The following ZFPM2 variants were observed in gnomAD, a reference collection of about 807,000 sequenced individuals.
ZFPM2 encodes zinc finger protein ZFPM2.
A neutral mutation model predicts 98.6 loss-of-function variants in ZFPM2; 20 were observed. The observed-to-expected ratio is 0.20, with a 90% CI of 0.14 to 0.29. The LOEUF (loss-of-function observed/expected upper bound fraction) is 0.29, where lower values mean the gene tolerates loss of function less well. ZFPM2 is among the 10% of genes least tolerant of loss of function. The probability of loss-of-function intolerance (pLI) is 1.00; values close to 1 mark genes in which losing one functional copy is unlikely to be tolerated. For synonymous variants in ZFPM2, 518 were observed against 502.7 expected (o/e 1.03, Z -0.41); for missense variants, 1,310 against 1,388.6 (o/e 0.94, Z 0.90).
rs1372771431 is a variant in ZFPM2 at position 105,572,714 on chromosome 8, C to T, written c.420+11233C>T. The stretch of plus-strand genomic sequence containing the variant: ...AGAACTCCCGACCTCAGGTGATCTG[C>T]GTGCCTTGGCCTCCCAAAATGCTGG... On this transcript the variant is annotated intron_variant, in intron 4 of 7. Coordinates refer to ENST00000407775, the MANE Select transcript of ZFPM2 (RefSeq NM_012082.4). 8.5e-5 allele frequency among the ~76,000 whole-genome samples: 13 copies of T among 152,240 alleles called. No individual in the cohort carries two copies. The South Asian group carries it at 1.2e-3, about 15-fold the overall frequency.
chr8:105,616,600 C>A, intron 4 of ZFPM2: 1 of 268,016 alleles, frequency 3.7e-6, no homozygotes, highest in Non-Finnish European at 7.5e-6. Flanking sequence ...TACTGTGTTT[C>A]AGGTATAAGT....
At position 105,759,598 on chromosome 8, in the gene ZFPM2, G is replaced by A. The variant is rs1265678863; in HGVS notation, c.533-29120G>A. Among the ~76,000 whole-genome samples, 4 of 151,806 alleles carry A rather than the reference G, an allele frequency of 2.6e-5. No homozygotes were observed. The Admixed American group carries it at 2.6e-4, about 10-fold the overall frequency. On this transcript the variant is annotated intron_variant, in intron 5 of 7. Transcript: ENST00000407775. The stretch of plus-strand genomic sequence containing the variant: ...ATAATCCTTGTGTGTGTGTGTGTGT[G>A]TGTGTGTGTGTGTATGCACATGTGT...
At chr8:105,714,610 TGC>T (rs1811475484) in intron 5 of ZFPM2, among the ~76,000 whole-genome samples, 1 of 152,062 alleles carries the variant, frequency 6.6e-6, no homozygotes, top group South Asian at 2.1e-4. Context: ...CTATTATCTA[TGC>T]TTTTTAGCTT....
intron 1 of ZFPM2, among the ~76,000 whole-genome samples, chr8:105,352,443 A>G (rs1812666526): frequency 1.3e-5 from 2 of 152,216 alleles, no homozygotes; most frequent in South Asian, 4.1e-4. Context: ...TAGCATTTAT[A>G]TTAACCCATT....
At chr8:105,721,191 C>G (rs994841781) in intron 5 of ZFPM2, among the ~76,000 whole-genome samples, 2 of 151,758 alleles carry the variant, frequency 1.3e-5, no homozygotes, top group Admixed American at 1.3e-4. Context: ...AATGTCAGCC[C>G]TACGTATAGA....
At chr8:105,439,282 G>C (rs993504152) in intron 2 of ZFPM2, among the ~76,000 whole-genome samples, 22 of 152,208 alleles carry the variant, frequency 1.4e-4, no homozygotes, top group Admixed American at 1.0e-3. Flanking sequence ...GTGGCCTCAT[G>C]GTTGTTTGTT....
At chr8:105,712,582 T>G (rs1446128711) in intron 5 of ZFPM2, among the ~76,000 whole-genome samples, 1 of 151,974 alleles carries the variant, frequency 6.6e-6, no homozygotes, top group African/African-American at 2.4e-5. Context: ...TAGGTTCAGA[T>G]TCAAGGAGTG....
At chr8:105,484,004 G>T (rs752748615) in intron 3 of ZFPM2, among the ~76,000 whole-genome samples, 5 of 151,978 alleles carry the variant, frequency 3.3e-5, no homozygotes, top group Non-Finnish European at 7.4e-5. Context: ...AAGGTGCTGG[G>T]ATTACAGGTG....
chr8:105,593,891 T>C (rs1470257608), intron 4 of ZFPM2, among the ~76,000 whole-genome samples: 1 of 151,982 alleles, frequency 6.6e-6, no homozygotes, highest in Non-Finnish European at 1.5e-5. Context: ...AGCAAAGAAA[T>C]CATCGTGGGA....
chr8:105,682,808 C>G (rs1417799685), intron 5 of ZFPM2, among the ~76,000 whole-genome samples: 3 of 151,970 alleles, frequency 2.0e-5, no homozygotes, highest in Non-Finnish European at 4.4e-5. Context: ...TCTTTAAATC[C>G]CACTTCACAT....
intron 3 of ZFPM2, among the ~76,000 whole-genome samples, chr8:105,520,158 A>C (rs1338327290): frequency 6.6e-6 from 1 of 152,186 alleles, no homozygotes; most frequent in African/African-American, 2.4e-5. Context: ...TTAAGTGTTA[A>C]ATGCATACAG....
chr8:105,503,556 A>G (rs752235191), intron 3 of ZFPM2, among the ~76,000 whole-genome samples: 11 of 152,336 alleles, frequency 7.2e-5, no homozygotes, highest in Non-Finnish European at 1.5e-4. Flanking sequence ...GGCTCTATGC[A>G]TTGGGAACAG....
chr8:105,660,540 A>G (rs1256809685), intron 5 of ZFPM2, among the ~76,000 whole-genome samples: 3 of 152,224 alleles, frequency 2.0e-5, no homozygotes, highest in Admixed American at 6.5e-5. Flanking sequence ...CAACAAGCAT[A>G]GTGGGTCAAA....
chr8:105,595,912 T>C (rs1815959220), intron 4 of ZFPM2, among the ~76,000 whole-genome samples: 1 of 151,800 alleles, frequency 6.6e-6, no homozygotes, highest in South Asian at 2.1e-4. Context: ...CATCTTATAA[T>C]TGACTTCCAA....
chr8:105,648,915 A>G (rs1318750716), intron 5 of ZFPM2, among the ~76,000 whole-genome samples: 5 of 152,166 alleles, frequency 3.3e-5, no homozygotes. Flanking sequence ...TTCTGTGAAG[A>G]CAGTCATTGG....
chr8:105,765,622 A>G (rs1468850841), intron 5 of ZFPM2, among the ~76,000 whole-genome samples: 2 of 151,840 alleles, frequency 1.3e-5, no homozygotes, highest in Admixed American at 6.6e-5. Flanking sequence ...GGAGGTTGGA[A>G]AATGCAGCAT....
rs559765268 is a variant in ZFPM2 at position 105,491,358 on chromosome 8, A to G, written c.301+46977A>G. Among the ~76,000 whole-genome samples the G allele has an allele frequency of 7.9e-5, 12 of 152,252 alleles. No homozygotes were observed. In the South Asian group the frequency reaches 2.3e-3, roughly 29 times the overall value. On this transcript the variant is annotated intron_variant, in intron 3 of 7. Transcript: ENST00000407775. ...CTGCATGTGTCTTTCTGATTGTGCCAGTGTTGTGGTATTCAATTATGCAAT... is the reference window on the plus strand; with the variant it reads ...CTGCATGTGTCTTTCTGATTGTGCCGGTGTTGTGGTATTCAATTATGCAAT...
chr8:105,550,309 T>C (rs1304001066), intron 3 of ZFPM2, among the ~76,000 whole-genome samples: 2 of 152,276 alleles, frequency 1.3e-5, no homozygotes, highest in South Asian at 2.1e-4. Context: ...GAATCCACTC[T>C]AATGGCTGCT....
chr8:105,792,844 CTTCT>C (rs751756888), intron 6 of ZFPM2, among the ~76,000 whole-genome samples: 4 of 152,112 alleles, frequency 2.6e-5, no homozygotes, highest in Non-Finnish European at 5.9e-5. Context: ...ATGTAATGGC[CTTCT>C]TTGTCTCTTT....
Sources: gnomAD v4.1 joint callset for allele counts (sites outside exome capture counted in the v4.1 genomes callset) on GRCh38, gnomAD v4.1.1 for gene constraint, MANE v1.5 for transcripts, NCBI Gene and HGNC (gene_info 2026-07-23, HGNC 2026-07-21) for gene names.